The following BTN3A1 variants were observed in gnomAD, a reference collection of about 807,000 sequenced individuals.
BTN3A1 encodes the protein dJ45P21.3 (butyrophilin, subfamily 3, member A1).
A neutral mutation model predicts 43.0 loss-of-function variants in BTN3A1; 24 were observed. That is an observed-to-expected ratio of 0.56 (90% CI 0.40 to 0.78). The LOEUF (loss-of-function observed/expected upper bound fraction) is 0.78, where lower values mean the gene tolerates loss of function less well. Among genes scored for constraint, BTN3A1 ranks in the 30% least tolerant of loss-of-function variants. The pLI is 0.00. For synonymous variants in BTN3A1, 181 were observed against 234.7 expected (o/e 0.77, Z 2.09); for missense variants, 533 against 626.2 (o/e 0.85, Z 1.59).
Position 26,409,514 on chromosome 6 carries a change from A to G in BTN3A1, c.716-19A>G. On this transcript the variant is annotated intron_variant, in intron 4 of 9. Transcript: ENST00000289361. ...CTGAGTGCACCGGCCCCCATGACCC[A>G]CAGCCGTTGCCTTCACAGACCCCTT... 2 of 1,612,252 alleles carry G rather than the reference A, an allele frequency of 1.2e-6. No homozygotes were observed. Among genetic ancestry groups the G allele is most frequent in the Non-Finnish European group, 8.5e-7 (1 of 1,179,672 alleles).
In BTN3A1 at chr6:26,414,598, C is replaced by T. The variant is rs747078177; in HGVS notation, c.*906C>T. 4 of 152,160 alleles carry T rather than the reference C, an allele frequency of 2.6e-5. No homozygotes were observed. The highest frequency in any genetic ancestry group is 4.4e-5 in the Non-Finnish European group (3 of 68,048). The allele number at this position is 152,160 out of a possible 1,614,324, so 9.4% of individuals were successfully genotyped here. A position where few individuals can be genotyped will look rare whatever the true frequency, so the allele number is the denominator to read the frequency against. On this transcript the variant is annotated 3_prime_UTR_variant, in exon 10 of 10. Transcript: ENST00000289361. ...TGATCATGCAGCCAGAGCCAGCCTT[C>T]CTTCAATCAAGGTTTCCAGGCAGAG... is the stretch of plus-strand genomic sequence containing the variant.
chr6:26,413,120 T>C, intron 9 of BTN3A1, 49 bp from the exon 10 acceptor site: 6 of 1,564,098 alleles, frequency 3.8e-6, no homozygotes, highest in Non-Finnish European at 5.2e-6. Flanking sequence ...GGCTCTGAAA[T>C]CCAGGAAAAA....
chr6:26,410,998 G>GGT (rs1171168334), intron 7 of BTN3A1, 111 bp from the exon 8 acceptor site: 7 of 642,750 alleles, frequency 1.1e-5, no homozygotes, highest in Non-Finnish European at 1.7e-5. Flanking sequence ...AGATACAGGT[G>GGT]GTAAAAAAAA....
chr6:26,412,919 C>A, intron 9 of BTN3A1: 1 of 1,476,564 alleles, frequency 6.8e-7, no homozygotes, highest in Non-Finnish European at 9.0e-7. Flanking sequence ...GAGGCCGCGT[C>A]AGGGTATTGG....
Position 26,413,234 on chromosome 6 carries a change from G to A in BTN3A1, c.1084G>A (p.Val362Met). The A allele has an allele frequency of 2.5e-6, 4 of 1,614,212 alleles. No individual in the cohort carries two copies. Among genetic ancestry groups the A allele is most frequent in the Non-Finnish European group, 3.4e-6 (4 of 1,180,040 alleles). Residue 362 changes from valine (V) to methionine (M), a missense_variant, in exon 10 of 10, where the codon GTG (valine) becomes ATG (methionine). Physicochemically the swap from Val to Met is conservative, Grantham distance 21. Around this residue, in one of 4 missense-constraint regions of BTN3A1, gnomAD observed 415 missense variants for 427.0 expected, o/e 0.97. Transcript: ENST00000289361. The stretch of plus-strand genomic sequence containing the variant: ...CCTTGTTTCTGAGGACCAGAGGAGT[G>A]TGCAGCGTGCCAAGGAGCCCCAGGA... ...ILLVSEDQRSVQRAKEPQDLP... is the reference protein window; with the variant it reads ...ILLVSEDQRSMQRAKEPQDLP...
At chr6:26,408,061 C>T (rs1289748175) in intron 4 of BTN3A1, 109 bp downstream of exon 4, 1 of 1,515,830 alleles carries the variant, frequency 6.6e-7, no homozygotes, top group Non-Finnish European at 8.9e-7. Flanking sequence ...GAATATAAGG[C>T]CCAAAGCACA....
intron 1 of BTN3A1, among the ~76,000 whole-genome samples, chr6:26,404,817 C>A (rs1342925100): frequency 6.6e-6 from 1 of 152,196 alleles, no homozygotes; most frequent in Non-Finnish European, 1.5e-5. Context: ...AATAAAGTTG[C>A]AATGGTTTTG....
At chr6:26,408,727 A>T (rs1762104095) in intron 4 of BTN3A1, among the ~76,000 whole-genome samples, 2 of 152,252 alleles carry the variant, frequency 1.3e-5, no homozygotes, top group African/African-American at 4.8e-5. Flanking sequence ...GAAACTATGC[A>T]GATGTTCACT....
Position 26,413,526 on chromosome 6 carries a change from A to C in BTN3A1, c.1376A>C (p.Lys459Thr), listed in dbSNP as rs769000428. The C allele has an allele frequency of 6.2e-7, 1 of 1,614,138 alleles. No individual in the cohort carries two copies. Among genetic ancestry groups the C allele is most frequent in the East Asian group, 2.2e-5 (1 of 44,880 alleles). Residue 459 changes from lysine (K) to threonine (T), a missense_variant, in exon 10 of 10, where the codon AAA (lysine) becomes ACA (threonine). Lys to Thr is a moderately conservative substitution (Grantham distance 78). This residue lies in a region of BTN3A1 where 415 missense variants were observed against 427.0 expected (regional missense o/e 0.97). Coordinates refer to ENST00000289361, the MANE Select transcript of BTN3A1 (RefSeq NM_007048.6). ...TNLKLPKPPK[K>T]VGVFLDYETG... ...CTGAAACTTCCTAAGCCCCCTAAGA[A>C]AGTGGGGGTCTTCCTGGACTATGAG...
intron 4 of BTN3A1, among the ~76,000 whole-genome samples, 199 bp from the exon 5 acceptor site, chr6:26,409,334 A>C (rs1042462751): frequency 6.6e-6 from 1 of 152,196 alleles, no homozygotes; most frequent in Non-Finnish European, 1.5e-5. Flanking sequence ...CAAGAGAAGT[A>C]ATAGTAGCAG....
rs1227226844 is a variant in BTN3A1 at position 26,407,800 on chromosome 6, C to T, written c.563C>T (p.Pro188Leu). The T allele has an allele frequency of 1.2e-5, 19 of 1,614,076 alleles. No homozygotes were observed. Among genetic ancestry groups the T allele is most frequent in the East Asian group, 4.5e-5 (2 of 44,900 alleles). ...QWSNNKGENI[P>L]TVEAPVVADG... is the part of the protein sequence containing the mutation. ...AGCAACAACAAGGGAGAGAACATCC[C>T]GACTGTGGAAGCACCTGTGGTTGCA... is the stretch of plus-strand genomic sequence containing the variant. The change falls in exon 4 of 10, where the codon CCG (proline) becomes CTG (leucine). Residue 188 changes from proline to leucine, a missense_variant. Coordinates refer to ENST00000289361, the MANE Select transcript of BTN3A1 (RefSeq NM_007048.6).
At chr6:26,405,319 G>A (rs1189673981) in intron 1 of BTN3A1, 53 bp from the exon 2 acceptor site, 7 of 588,236 alleles carry the variant, frequency 1.2e-5, no homozygotes, top group African/African-American at 9.3e-5. Context: ...AGTACAGTGA[G>A]GATTTTCTGA....
chr6:26,411,468 A>C, intron 8 of BTN3A1, 87 bp from the exon 9 acceptor site: 23 of 1,469,216 alleles, frequency 1.6e-5, no homozygotes, highest in Non-Finnish European at 2.0e-5. Flanking sequence ...GAAGAAAAGG[A>C]GAGAAAACAT....
chr6:26,409,807 C>A, intron 5 of BTN3A1, 74 bp downstream of exon 5: 1 of 1,609,708 alleles, frequency 6.2e-7, no homozygotes, highest in Non-Finnish European at 8.5e-7. Flanking sequence ...CCCATCCCCA[C>A]CGCAGAGCTC....
chr6:26,408,258 TAC>T (rs1491082541), intron 4 of BTN3A1, among the ~76,000 whole-genome samples: 2 of 152,100 alleles, frequency 1.3e-5, no homozygotes, highest in African/African-American at 2.4e-5. Flanking sequence ...TATATATATA[TAC>T]AAACTCATAG....
At position 26,413,092 on chromosome 6, in the gene BTN3A1, C is replaced by G. The variant is rs1303790258; in HGVS notation, c.1019-77C>G. ...TGGACTCAGACCTCCTCAGCATGGC[C>G]CAGGCCTTGCATGCTGAGGCTCTGA... On this transcript the variant is annotated intron_variant, in intron 9 of 9. Coordinates refer to ENST00000289361, the MANE Select transcript of BTN3A1 (RefSeq NM_007048.6). 3 of 1,551,756 alleles carry G rather than the reference C, an allele frequency of 1.9e-6. No individual in the cohort carries two copies. In the African/African-American group the frequency reaches 4.1e-5, roughly 21 times the overall value.
At chr6:26,411,327 C>G (rs1762210107) in intron 8 of BTN3A1, among the ~76,000 whole-genome samples, 192 bp downstream of exon 8, 1 of 152,134 alleles carries the variant, frequency 6.6e-6, no homozygotes, top group Non-Finnish European at 1.5e-5. Context: ...CTGCACACCC[C>G]CTTGCAAAGC....
chr6:26,414,341 C>T lies in BTN3A1; in HGVS notation c.*649C>T, dbSNP rs1455750337. On this transcript the variant is annotated 3_prime_UTR_variant, in exon 10 of 10. Transcript: ENST00000289361. ...CCCTGAGGTTCTTTTCCCAGGATGG[C>T]TCCAGGATAAGGATCACTGTAGGTG... The T allele has an allele frequency of 6.3e-6, 1 of 158,886 alleles. No individual in the cohort carries two copies. The highest frequency in any genetic ancestry group is 1.4e-5 in the Non-Finnish European group (1 of 72,094). 9.8% of individuals were successfully genotyped at this position (158,886 alleles called of 1,614,324 possible). A position where few individuals can be genotyped will look rare whatever the true frequency, so the allele number is the denominator to read the frequency against.
At chr6:26,408,198 G>A (rs1762087527) in intron 4 of BTN3A1, among the ~76,000 whole-genome samples, 1 of 152,116 alleles carries the variant, frequency 6.6e-6, no homozygotes. Flanking sequence ...GGGGATAATT[G>A]TTAAGATAAG....
Sources: gnomAD v4.1 joint callset for allele counts (sites outside exome capture counted in the v4.1 genomes callset) on GRCh38, gnomAD v4.1.1 for gene constraint, gnomAD v4.1.1 regional missense constraint, MANE v1.5 for transcripts, NCBI Gene and HGNC (gene_info 2026-07-23, HGNC 2026-07-21) for gene names.